Variants in DUSP16 observed in about 807,000 individuals in gnomAD.
DUSP16 encodes dual specificity protein phosphatase 16.
A neutral mutation model predicts 58.3 loss-of-function variants in DUSP16; 21 were observed. The ratio of observed to expected loss-of-function variants is 0.36; its 90% CI spans 0.26 to 0.52. The LOEUF (loss-of-function observed/expected upper bound fraction) is 0.52. DUSP16 is among the 20% of genes least tolerant of loss of function. The pLI is 0.94. For missense variants in DUSP16, 726 were observed against 819.0 expected (o/e 0.89, Z 1.39); for synonymous variants, 320 against 323.8 (o/e 0.99, Z 0.12).
At chr12:12,534,687 T>C (rs977666422) in intron 1 of DUSP16, among the ~76,000 whole-genome samples, 6 of 152,234 alleles carry the variant, frequency 3.9e-5, no homozygotes, top group Admixed American at 3.3e-4. Context: ...GAGGAGGAAC[T>C]GCCAAGTCCC....
intron 2 of DUSP16, among the ~76,000 whole-genome samples, chr12:12,520,220 TC>T (rs1490943775): frequency 2.6e-5 from 4 of 152,326 alleles, no homozygotes; most frequent in Non-Finnish European, 5.9e-5. Flanking sequence ...ATCTCACGAT[TC>T]CCTGGTTTTA....
At chr12:12,556,383 C>A (rs1048075248) in intron 1 of DUSP16, among the ~76,000 whole-genome samples, 3 of 152,018 alleles carry the variant, frequency 2.0e-5, no homozygotes, top group African/African-American at 7.2e-5. Flanking sequence ...CAAAGTGAGA[C>A]CCCCATCTCT....
chr12:12,541,888 A>T (rs1944564962), intron 1 of DUSP16, among the ~76,000 whole-genome samples: 3 of 151,628 alleles, frequency 2.0e-5, no homozygotes, highest in Non-Finnish European at 4.4e-5. Flanking sequence ...GCAGATTTAT[A>T]AACAGCCAAA....
chr12:12,500,054 C>T (rs2136211758), intron 4 of DUSP16, among the ~76,000 whole-genome samples: 1 of 152,166 alleles, frequency 6.6e-6, no homozygotes, highest in East Asian at 1.9e-4. Context: ...TTGTCCTCAC[C>T]ATCTTTTTAA....
At chr12:12,497,258 C>G (rs573395000) in intron 4 of DUSP16, among the ~76,000 whole-genome samples, 2 of 152,286 alleles carry the variant, frequency 1.3e-5, no homozygotes, top group South Asian at 4.1e-4. Context: ...ATGTATGTGA[C>G]TTGCATTATA....
chr12:12,550,878 C>T (rs1355282293), intron 1 of DUSP16, among the ~76,000 whole-genome samples: 1 of 151,610 alleles, frequency 6.6e-6, no homozygotes, highest in Admixed American at 6.6e-5. Flanking sequence ...TACCCCAAAA[C>T]TTAAAGTATA....
intron 3 of DUSP16, chr12:12,505,987 AC>A (rs1252746489): frequency 6.6e-6 from 1 of 152,000 alleles, no homozygotes; most frequent in African/African-American, 2.4e-5. Flanking sequence ...CTTCCAGAAA[AC>A]CCTACCTCAG....
At chr12:12,505,694 A>T (rs1188994942) in intron 3 of DUSP16, among the ~76,000 whole-genome samples, 1 of 152,178 alleles carries the variant, frequency 6.6e-6, no homozygotes, top group Non-Finnish European at 1.5e-5. Flanking sequence ...ATTTCAGTGG[A>T]CCTCAAAAGT....
At chr12:12,478,064 ATC>A in intron 6 of DUSP16, 49 bp from the exon 7 acceptor site, 2 of 1,389,378 alleles carry the variant, frequency 1.4e-6, no homozygotes, top group Non-Finnish European at 2.0e-6. Context: ...ACTACACTTT[ATC>A]TTAAGAATAT....
Position 12,477,873 on chromosome 12 carries a change from T to C in DUSP16, c.958A>G (p.Asn320Asp). 4.3e-6 allele frequency: 7 copies of C among 1,614,122 alleles called. No homozygotes were observed. The highest frequency in any genetic ancestry group is 5.9e-6 in the Non-Finnish European group (7 of 1,180,038). The stretch of plus-strand genomic sequence containing the variant: ...TCTGAGACAGCAGGGACAGGTTCAT[T>C]TGGCTTCTCCAGGTGCAGCAGCTTG... ...KLKLLHLEKP[N>D]EPVPAVSEGG... The change falls in exon 7 of 7, where the codon AAT becomes GAT. Residue 320 changes from asparagine (N) to aspartate (D), a missense_variant. Asn to Asp is a conservative substitution (Grantham distance 23). Coordinates refer to ENST00000298573, the MANE Select transcript of DUSP16 (RefSeq NM_030640.3). This position sits in a 1 kb window ranked among gnomAD's most constrained non-coding sequence, Gnocchi z 4.1.
chr12:12,557,996 C>T (rs923984037), intron 1 of DUSP16, among the ~76,000 whole-genome samples: 11 of 152,338 alleles, frequency 7.2e-5, no homozygotes, highest in South Asian at 2.1e-4. Context: ...TGAAGATTAC[C>T]TCCCTGAGCC....
chr12:12,557,215 G>A (rs1592217610), intron 1 of DUSP16, among the ~76,000 whole-genome samples: 1 of 152,112 alleles, frequency 6.6e-6, no homozygotes. Context: ...CAGCACTTTG[G>A]GAGGCCAAGG....
chr12:12,542,297 T>C (rs1401083176), intron 1 of DUSP16, among the ~76,000 whole-genome samples: 2 of 146,942 alleles, frequency 1.4e-5, no homozygotes, highest in African/African-American at 2.5e-5. Flanking sequence ...CCCTTGAACC[T>C]GGGAGGTGGA....
At chr12:12,511,780 C>T (rs1681105555) in intron 3 of DUSP16, among the ~76,000 whole-genome samples, 1 of 151,974 alleles carries the variant, frequency 6.6e-6, no homozygotes, top group South Asian at 2.1e-4. Flanking sequence ...CCCGAGAGCC[C>T]AGTCCAAGGC....
intron 1 of DUSP16, among the ~76,000 whole-genome samples, chr12:12,536,777 C>T (rs904371455): frequency 1.3e-5 from 2 of 151,104 alleles, no homozygotes; most frequent in Non-Finnish European, 2.9e-5. Flanking sequence ...GTGGCTCACA[C>T]CTGTAATCCC....
At chr12:12,550,107 T>C (rs1258037013) in intron 1 of DUSP16, among the ~76,000 whole-genome samples, 3 of 152,086 alleles carry the variant, frequency 2.0e-5, no homozygotes, top group Non-Finnish European at 4.4e-5. Flanking sequence ...ACCCTGTCTC[T>C]ACTAAAAATA....
chr12:12,549,634 G>A (rs1354719476), intron 1 of DUSP16, among the ~76,000 whole-genome samples: 1 of 152,098 alleles, frequency 6.6e-6, no homozygotes, highest in Non-Finnish European at 1.5e-5. Flanking sequence ...GCCAAGAGCA[G>A]TCCGTTCTCC....
chr12:12,532,897 G>A (rs548201752), intron 1 of DUSP16, among the ~76,000 whole-genome samples: 113 of 151,692 alleles, frequency 7.4e-4, no homozygotes, highest in African/African-American at 2.6e-3. Flanking sequence ...GCAGTGAGCC[G>A]GGATCGCTCC....
chr12:12,524,879 G>T (rs969110086), intron 1 of DUSP16, among the ~76,000 whole-genome samples: 1 of 151,936 alleles, frequency 6.6e-6, no homozygotes, highest in Admixed American at 6.6e-5. Flanking sequence ...CATCAATAAA[G>T]GTGTTTAAAA....
Sources: allele counts gnomAD v4.1 joint callset (sites outside exome capture counted in the v4.1 genomes callset), GRCh38; gene constraint gnomAD v4.1.1; non-coding constraint Gnocchi (gnomAD v3.1); transcripts MANE v1.5; gene names NCBI Gene and HGNC (gene_info 2026-07-23, HGNC 2026-07-21).